The following USP24 variants were observed in gnomAD, a reference collection of about 807,000 sequenced individuals.
USP24 encodes ubiquitin carboxyl-terminal hydrolase 24.
A neutral mutation model predicts 361.6 loss-of-function variants in USP24; 97 were observed. The observed-to-expected ratio is 0.27, with a 90% CI of 0.23 to 0.32. The LOEUF (loss-of-function observed/expected upper bound fraction) is 0.32, where lower values mean the gene tolerates loss of function less well. Ranked by LOEUF, USP24 falls within the 10% of genes least tolerant of loss-of-function variation. The pLI is 1.00. For missense variants in USP24, 2,353 were observed against 3,165.6 expected (o/e 0.74, Z 6.16); for synonymous variants, 1,098 against 1,124.6 (o/e 0.98, Z 0.47).
intron 39 of USP24, among the ~76,000 whole-genome samples, chr1:55,109,840 G>A (rs990409465): frequency 6.6e-6 from 1 of 152,122 alleles, no homozygotes; most frequent in Non-Finnish European, 1.5e-5. Context: ...CCGCAACAAA[G>A]AGTCCCTCTT....
At chr1:55,127,499 G>C (rs1195407368) in intron 32 of USP24, among the ~76,000 whole-genome samples, 1 of 152,082 alleles carries the variant, frequency 6.6e-6, no homozygotes, top group Non-Finnish European at 1.5e-5. Flanking sequence ...CCAAGTCTTT[G>C]CTATTGTGAA....
chr1:55,161,164 G>A (rs1421353988), intron 8 of USP24, among the ~76,000 whole-genome samples: 2 of 151,988 alleles, frequency 1.3e-5, no homozygotes, highest in Non-Finnish European at 2.9e-5. Flanking sequence ...ACGAGGTCAG[G>A]AGTTTGAGAC....
intron 20 of USP24, 25 bp from the exon 21 acceptor site, chr1:55,144,228 A>T: frequency 6.8e-7 from 1 of 1,463,106 alleles, no homozygotes; most frequent in Non-Finnish European, 9.4e-7. Flanking sequence ...TGCCAAATAA[A>T]TTCATGTACT....
chr1:55,094,696 T>TA (rs35026432), intron 51 of USP24, among the ~76,000 whole-genome samples: 87,480 of 108,942 alleles, frequency 0.8, 35,643 homozygotes, highest in East Asian at 0.97. Flanking sequence ...CTGCTAACAT[T>TA]AAAAAAAAAA....
At chr1:55,089,572 C>CT in intron 55 of USP24, 55 bp downstream of exon 55, 1 of 1,244,518 alleles carries the variant, frequency 8.0e-7, no homozygotes. Context: ...AACTTCAGCT[C>CT]TAAATCACTG....
At chr1:55,213,369 C>G (rs34517956) in intron 1 of USP24, among the ~76,000 whole-genome samples, 17,031 of 152,276 alleles carry the variant, frequency 0.11, 1,111 homozygotes, top group Non-Finnish European at 0.15. Flanking sequence ...GCAACTGTGT[C>G]TAAGTGTGGA....
chr1:55,144,094 C>T, intron 21 of USP24, 33 bp downstream of exon 21: 3 of 1,515,176 alleles, frequency 2.0e-6, no homozygotes, highest in Non-Finnish European at 2.7e-6. Flanking sequence ...CTAGATTATC[C>T]AAACTATCTA....
chr1:55,071,643 C>T (rs897150043), intron 67 of USP24, among the ~76,000 whole-genome samples, 171 bp downstream of exon 67: 1 of 152,250 alleles, frequency 6.6e-6, no homozygotes, highest in Non-Finnish European at 1.5e-5. Flanking sequence ...GCCCTGTAAA[C>T]ACACGGTTAG....
At chr1:55,203,775 A>C (rs1644636879) in intron 1 of USP24, among the ~76,000 whole-genome samples, 1 of 152,242 alleles carries the variant, frequency 6.6e-6, no homozygotes, top group Admixed American at 6.5e-5. Flanking sequence ...TAAAGGTGTC[A>C]GTGTATCTGC....
At chr1:55,124,363 AGAG>A (rs1646366423) in intron 35 of USP24, 103 bp downstream of exon 35, 8 of 1,330,058 alleles carry the variant, frequency 6.0e-6, no homozygotes, top group Non-Finnish European at 7.1e-6. Flanking sequence ...CTCACAAGCA[AGAG>A]AAGAGGGTCT....
At chr1:55,154,842 CT>C in intron 12 of USP24, 64 bp from the exon 13 acceptor site, 4 of 1,291,672 alleles carry the variant, frequency 3.1e-6, no homozygotes, top group South Asian at 2.7e-5. Context: ...AGTCTTCCCC[CT>C]GGCAACTTAC....
At chr1:55,189,824 T>TA (rs1268528745) in intron 1 of USP24, among the ~76,000 whole-genome samples, 1 of 152,082 alleles carries the variant, frequency 6.6e-6, no homozygotes. Flanking sequence ...TAATCTGTAA[T>TA]AAAAATCTAA....
intron 39 of USP24, among the ~76,000 whole-genome samples, chr1:55,109,414 G>A (rs1645887174): frequency 6.6e-6 from 1 of 152,144 alleles, no homozygotes; most frequent in East Asian, 1.9e-4. Context: ...TTAGACTTAG[G>A]TGCTGGGAAA....
At chr1:55,131,006 A>C (rs992889191) in intron 31 of USP24, among the ~76,000 whole-genome samples, 5 of 152,220 alleles carry the variant, frequency 3.3e-5, no homozygotes, top group Admixed American at 6.5e-5. Flanking sequence ...TATGGCTCTA[A>C]GATAATGGAA....
intron 16 of USP24, 138 bp from the exon 17 acceptor site, chr1:55,148,708 G>A: frequency 1.6e-6 from 1 of 625,236 alleles, no homozygotes; most frequent in Non-Finnish European, 2.7e-6. Context: ...ACCATTTAGA[G>A]CTTATCTCCA....
At chr1:55,140,673 T>C (rs1646861620) in intron 24 of USP24, among the ~76,000 whole-genome samples, 1 of 152,162 alleles carries the variant, frequency 6.6e-6, no homozygotes, top group Non-Finnish European at 1.5e-5. Flanking sequence ...TGAATAAGAA[T>C]AGCCATTCTA....
chr1:55,172,573 T>C, intron 3 of USP24, 53 bp from the exon 4 acceptor site: 1 of 1,537,714 alleles, frequency 6.5e-7, no homozygotes, highest in Non-Finnish European at 8.8e-7. Flanking sequence ...AGAAAATAAA[T>C]CTACAGTTTA....
At position 55,069,079 on chromosome 1, in the gene USP24, TCACCA is replaced by T. The variant is rs1166711309; in HGVS notation, c.7824_7828del (p.Gly2609ValfsTer4). 1 of 1,613,916 alleles carries T rather than the reference TCACCA, an allele frequency of 6.2e-7. No individual in the cohort carries two copies. The highest frequency in any genetic ancestry group is 8.5e-7 in the Non-Finnish European group (1 of 1,179,870). ...AACATCATCAAGGTCACTTCTCAAC[TCACCA>T]ATCATCATGGGAGATTCTGAACCCT... On this transcript the variant is annotated frameshift_variant, in exon 68 of 68. Transcript: ENST00000294383. LOFTEE classifies it high-confidence loss of function.
rs1644833368 is a variant in USP24, at chr1:55,066,888, G to C, written c.*2157C>G. The C allele has an allele frequency of 6.6e-6, 1 of 152,062 alleles. No homozygotes were observed. The allele number at this position is 152,062 out of a possible 1,614,324, so 9.4% of individuals were successfully genotyped here. On this transcript the variant is annotated 3_prime_UTR_variant, in exon 68 of 68. Transcript: ENST00000294383. ...GCAGTAAAAATGACAACTCTTCCAA[G>C]GTAAGCCTGTCATAACTGTCACTGT...
Sources: gnomAD v4.1 joint callset for allele counts (sites outside exome capture counted in the v4.1 genomes callset) on GRCh38, gnomAD v4.1.1 for gene constraint, MANE v1.5 for transcripts, NCBI Gene and HGNC (gene_info 2026-07-23, HGNC 2026-07-21) for gene names.